ATP6V1H: variants seen among roughly 807,000 people sequenced by gnomAD.
ATP6V1H encodes ATPase H+ transporting V1 subunit H.
A neutral mutation model predicts 71.7 loss-of-function variants in ATP6V1H; 39 were observed. The observed-to-expected ratio is 0.54, with a 90% confidence interval of 0.42 to 0.71. The LOEUF is 0.71. ATP6V1H is among the 30% of genes least tolerant of loss of function. The pLI, the probability that ATP6V1H is intolerant of heterozygous loss-of-function variation, is 0.00. For synonymous variants in ATP6V1H, 192 were observed against 199.3 expected, an observed-to-expected ratio of 0.96 and a Z score of 0.31; for missense variants, 509 against 594.9, an observed-to-expected ratio of 0.86 and a Z score of 1.50.
At chr8:53,819,139 G>A (rs1397779503) in intron 4 of ATP6V1H, among the ~76,000 whole-genome samples, 1 of 152,102 alleles carries the variant, frequency 6.6e-6, no homozygotes, top group African/African-American at 2.4e-5. Flanking sequence ...CCAGGAGTTC[G>A]AGGCTGCAGT....
At chr8:53,810,867 G>T (rs1436282465) in intron 7 of ATP6V1H, among the ~76,000 whole-genome samples, 1 of 152,196 alleles carries the variant, frequency 6.6e-6, no homozygotes, top group African/African-American at 2.4e-5. Context: ...AAAACTTTAT[G>T]ATTATTTGCT....
intron 9 of ATP6V1H, among the ~76,000 whole-genome samples, chr8:53,781,008 C>A (rs143853660): frequency 0.09 from 13,669 of 152,222 alleles, 953 homozygotes; most frequent in East Asian, 0.37. Context: ...CATACGTGTG[C>A]ATGTGTCTTT....
chr8:53,843,226 G>C lies in ATP6V1H; in HGVS notation c.-228C>G, dbSNP rs1033149479. 1 of 152,410 alleles carries C rather than the reference G, an allele frequency of 6.6e-6. No individual in the cohort carries two copies. Among genetic ancestry groups the C allele is most frequent in the Non-Finnish European group, 1.5e-5 (1 of 68,194 alleles). The allele number at this position is 152,410 out of a possible 1,614,324, so 9.4% of individuals were successfully genotyped here. ...GCGGGTCCCGCACCAAGGAGACGTT[G>C]AGGGCCGCACAGGTAGAAGGAAGCC... On this transcript the variant is annotated 5_prime_UTR_variant, in exon 1 of 14. Transcript: ENST00000359530.
At chr8:53,802,627 T>C (rs1809949793) in intron 7 of ATP6V1H, among the ~76,000 whole-genome samples, 1 of 151,602 alleles carries the variant, frequency 6.6e-6, no homozygotes, top group African/African-American at 2.4e-5. Context: ...GGCTGAGGCA[T>C]GAGAATTGCT....
intron 6 of ATP6V1H, among the ~76,000 whole-genome samples, chr8:53,812,986 C>T (rs1663012561): frequency 6.6e-6 from 1 of 152,186 alleles, no homozygotes; most frequent in Admixed American, 6.5e-5. Flanking sequence ...TAAGCCACCA[C>T]ACCAGGCCTG....
chr8:53,817,445 T>C lies in ATP6V1H; in HGVS notation c.392A>G (p.Asn131Ser). 1 of 1,613,314 alleles carries C rather than the reference T, an allele frequency of 6.2e-7. No homozygotes were observed. Among genetic ancestry groups the C allele is most frequent in the Non-Finnish European group, 8.5e-7 (1 of 1,179,344 alleles). Reference protein sequence around the residue: ...TAWPYFLPMLNRQDPFTVHMA... With the variant: ...TAWPYFLPMLSRQDPFTVHMA... ...ATGAACAGTGAAGGGATCCTGGCGA[T>C]TCAACATTGGCAGAAAGTAGGGCCA... The change falls in exon 5 of 14, where the codon AAT (asparagine) becomes AGT (serine). Residue 131 changes from asparagine (N) to serine (S), a missense_variant. Transcript: ENST00000359530.
intron 11 of ATP6V1H, among the ~76,000 whole-genome samples, chr8:53,760,333 G>A (rs1374053438): frequency 1.3e-5 from 2 of 152,182 alleles, no homozygotes; most frequent in Admixed American, 6.5e-5. Context: ...TAAACATACT[G>A]TGCATGTGGC....
intron 8 of ATP6V1H, among the ~76,000 whole-genome samples, chr8:53,797,502 A>G (rs1301800166): frequency 6.6e-6 from 1 of 152,120 alleles, no homozygotes; most frequent in Non-Finnish European, 1.5e-5. Context: ...GAGTTCAGAG[A>G]CACCAATATC....
Position 53,799,825 on chromosome 8 carries a change from T to G in ATP6V1H, c.677+1974A>C, listed in dbSNP as rs75688248. ...CCCTGTCCCCTCTGCCATCTGAGTT[T>G]ACAGTGAAAAGATGGCCATTTATGA... On this transcript the variant is annotated intron_variant, in intron 8 of 13. Coordinates refer to ENST00000359530, the MANE Select transcript of ATP6V1H (RefSeq NM_015941.4). Among the ~76,000 whole-genome samples, 781 of 152,248 alleles carry G rather than the reference T, an allele frequency of 5.1e-3. 6 individuals are homozygous for G. The highest frequency in any genetic ancestry group is 0.018 in the African/African-American group (741 of 41,546).
intron 9 of ATP6V1H, among the ~76,000 whole-genome samples, chr8:53,780,266 C>T (rs959378100): frequency 6.6e-6 from 1 of 151,694 alleles, no homozygotes; most frequent in Admixed American, 6.6e-5. Context: ...CTAAAACCAA[C>T]TTCCCTCTAA....
Position 53,811,147 on chromosome 8 carries a change from T to C in ATP6V1H, c.579+17A>G. On this transcript the variant is annotated intron_variant, in intron 7 of 13. Transcript: ENST00000359530. ...TTTATTTTGGGGATGTTTAGGCCAGTGAAGGAATATACTTACATCACTTGA... is the reference window on the plus strand; with the variant it reads ...TTTATTTTGGGGATGTTTAGGCCAGCGAAGGAATATACTTACATCACTTGA... 6.2e-7 allele frequency: 1 copy of C among 1,609,600 alleles called. No individual in the cohort carries two copies. The highest frequency in any genetic ancestry group is 8.5e-7 in the Non-Finnish European group (1 of 1,176,706).
chr8:53,801,507 C>G (rs1585803009), intron 8 of ATP6V1H, among the ~76,000 whole-genome samples: 1 of 151,970 alleles, frequency 6.6e-6, no homozygotes, highest in South Asian at 2.1e-4. Flanking sequence ...TGATTTTTGC[C>G]TACATTCATC....
At chr8:53,785,076 T>C (rs1218193769) in intron 9 of ATP6V1H, among the ~76,000 whole-genome samples, 2 of 152,180 alleles carry the variant, frequency 1.3e-5, no homozygotes, top group Non-Finnish European at 2.9e-5. Context: ...TGAATTTGAA[T>C]GTTGGCCTGC....
chr8:53,782,380 C>T (rs1809181219), intron 9 of ATP6V1H, among the ~76,000 whole-genome samples: 1 of 151,962 alleles, frequency 6.6e-6, no homozygotes, highest in East Asian at 1.9e-4. Flanking sequence ...GTGATTTTTG[C>T]ACATTGATTT....
chr8:53,813,053 G>A (rs1226581886), intron 6 of ATP6V1H, among the ~76,000 whole-genome samples: 1 of 152,082 alleles, frequency 6.6e-6, no homozygotes, highest in Non-Finnish European at 1.5e-5. Flanking sequence ...AGGGAGAAGT[G>A]TATCCTATTT....
intron 13 of ATP6V1H, among the ~76,000 whole-genome samples, chr8:53,733,164 A>C (rs1807083261): frequency 6.6e-6 from 1 of 152,226 alleles, no homozygotes; most frequent in South Asian, 2.1e-4. Flanking sequence ...AACCCTACTT[A>C]GGCTGACTGC....
intron 4 of ATP6V1H, among the ~76,000 whole-genome samples, chr8:53,827,032 A>G (rs1464113206): frequency 6.6e-6 from 1 of 151,974 alleles, no homozygotes; most frequent in East Asian, 1.9e-4. Flanking sequence ...TTCTCTGAGT[A>G]TACCTTTCTG....
At chr8:53,733,829 C>T (rs566411522) in intron 13 of ATP6V1H, among the ~76,000 whole-genome samples, 31 of 152,314 alleles carry the variant, frequency 2.0e-4, no homozygotes, top group Non-Finnish European at 3.8e-4. Context: ...AAGAAAAACT[C>T]ATGTCAGCCC....
intron 9 of ATP6V1H, among the ~76,000 whole-genome samples, chr8:53,779,224 C>T (rs1809007404): frequency 6.6e-6 from 1 of 151,932 alleles, no homozygotes; most frequent in South Asian, 2.1e-4. Context: ...ACTCCACTGG[C>T]AAAATATGCA....
Sources: allele counts gnomAD v4.1 joint callset (sites outside exome capture counted in the v4.1 genomes callset), GRCh38; gene constraint gnomAD v4.1.1; transcripts MANE v1.5; gene names NCBI Gene and HGNC (gene_info 2026-07-23, HGNC 2026-07-21).